Variants in C21orf58 observed in about 807,000 individuals in gnomAD.
C21orf58 encodes chromosome 21 open reading frame 58.
A neutral mutation model predicts 35.8 loss-of-function variants in C21orf58; 34 were observed. That is an observed-to-expected ratio of 0.95 (90% confidence interval 0.72 to 1.26). The LOEUF is 1.26. Ranked by LOEUF, C21orf58 falls within the 50% of genes most tolerant of loss-of-function variation. The probability of loss-of-function intolerance (pLI) is 0.00; values close to 1 mark genes in which losing one functional copy is unlikely to be tolerated. For synonymous variants in C21orf58, 191 were observed against 175.8 expected, an observed-to-expected ratio of 1.09 and a Z score of -0.68; for missense variants, 440 against 414.3, an observed-to-expected ratio of 1.06 and a Z score of -0.54.
chr21:46,323,478 G>C lies in C21orf58; in HGVS notation c.-740C>G, dbSNP rs899197025. 20 of 152,350 alleles carry C rather than the reference G, an allele frequency of 1.3e-4. No homozygotes were observed. The highest frequency in any genetic ancestry group is 4.8e-4 in the African/African-American group (20 of 41,404). 9.4% of individuals were successfully genotyped at this position (152,350 alleles called of 1,614,324 possible). A position where few individuals can be genotyped will look rare whatever the true frequency, so the allele number is the denominator to read the frequency against. ...GGGAAAGGCGGGAGCTCCAAGCGGC[G>C]GGGCCTGCAGGTCCAGGCGGTTCGC... is the stretch of plus-strand genomic sequence containing the variant. On this transcript the variant is annotated 5_prime_UTR_variant, in exon 1 of 8. Coordinates refer to ENST00000291691, the MANE Select transcript of C21orf58 (RefSeq NM_058180.5).
chr21:46,311,686 T>C (rs1378947734), intron 5 of C21orf58, 119 bp from the exon 6 acceptor site: 10 of 473,332 alleles, frequency 2.1e-5, no homozygotes, highest in South Asian at 3.7e-5. Flanking sequence ...CATCCACCCA[T>C]CCATCCAACC....
At chr21:46,321,180 T>A (rs55677713) in intron 1 of C21orf58, among the ~76,000 whole-genome samples, 9,860 of 151,930 alleles carry the variant, frequency 0.065, 408 homozygotes, top group Middle Eastern at 0.095. Flanking sequence ...ATATATATAT[T>A]TTTTTTGAGA....
chr21:46,312,565 C>T (rs891734856), intron 5 of C21orf58, among the ~76,000 whole-genome samples: 1 of 152,154 alleles, frequency 6.6e-6, no homozygotes, highest in Non-Finnish European at 1.5e-5. Flanking sequence ...GAGAGCCACC[C>T]ATCCAACCAA....
In C21orf58 at chr21:46,322,620, C is replaced by T. The variant is rs370016326; in HGVS notation, c.100+19G>A. The T allele has an allele frequency of 1.3e-6, 2 of 1,510,650 alleles. No homozygotes were observed. The highest frequency in any genetic ancestry group is 2.6e-5 in the South Asian group (2 of 76,972). 93.6% of individuals were successfully genotyped at this position (1,510,650 alleles called of 1,614,324 possible). A position where few individuals can be genotyped will look rare whatever the true frequency, so the allele number is the denominator to read the frequency against. ...ATTCCGAGTCTGGGAACCAGGAGAC[C>T]GCTGGACACCCCGCTCACCACACAG... On this transcript the variant is annotated intron_variant, in intron 1 of 7. Coordinates refer to ENST00000291691, the MANE Select transcript of C21orf58 (RefSeq NM_058180.5).
At position 46,301,827 on chromosome 21, in the gene C21orf58, A is replaced by G. The variant is rs2082117604; in HGVS notation, c.*172T>C. 3 of 1,262,678 alleles carry G rather than the reference A, an allele frequency of 2.4e-6. No homozygotes were observed. The allele number at this position is 1,262,678 out of a possible 1,614,324, so 78.2% of individuals were successfully genotyped here. A position where few individuals can be genotyped will look rare whatever the true frequency, so the allele number is the denominator to read the frequency against. ...CCCCCTGGAATGGCCCCGTGACCAG[A>G]AAGCGAGCCTGCCCAGCTTCCCCAG... On this transcript the variant is annotated 3_prime_UTR_variant, in exon 8 of 8. Transcript: ENST00000291691.
chr21:46,318,449 C>T (rs1256412167), intron 1 of C21orf58: 2 of 1,413,908 alleles, frequency 1.4e-6, no homozygotes, highest in Non-Finnish European at 1.8e-6. Flanking sequence ...GCAGCTGAGG[C>T]AGAGGGGCAG....
chr21:46,317,894 C>A, intron 2 of C21orf58, 118 bp downstream of exon 2: 1 of 1,146,692 alleles, frequency 8.7e-7, no homozygotes, highest in South Asian at 1.5e-5. Context: ...GGGCTGCCAG[C>A]CCCAGGCCTA....
chr21:46,307,461 C>T (rs1489735326), intron 6 of C21orf58, among the ~76,000 whole-genome samples: 1 of 152,126 alleles, frequency 6.6e-6, no homozygotes, highest in Non-Finnish European at 1.5e-5. Flanking sequence ...CACACACACC[C>T]CTACCTCAGT....
In C21orf58 at chr21:46,301,789, G is replaced by A. The variant is rs767795510; in HGVS notation, c.*210C>T. On this transcript the variant is annotated 3_prime_UTR_variant, in exon 8 of 8. Transcript: ENST00000291691. ...ACAGGCCCCTCACTGCAGGGGACCC[G>A]GAGCAAGGGATGCCCCCTGGAATGG... The A allele has an allele frequency of 9.1e-4, 1,129 of 1,239,300 alleles. No individual in the cohort carries two copies. The highest frequency in any genetic ancestry group is 1.1e-3 in the Non-Finnish European group (1,048 of 992,304). The allele number at this position is 1,239,300 out of a possible 1,614,324, so 76.8% of individuals were successfully genotyped here.
At chr21:46,322,045 T>C (rs1279988858) in intron 1 of C21orf58, among the ~76,000 whole-genome samples, 2 of 151,976 alleles carry the variant, frequency 1.3e-5, no homozygotes, top group East Asian at 3.9e-4. Flanking sequence ...CTCCAGCACT[T>C]TGAGAGGCCA....
intron 1 of C21orf58, chr21:46,318,899 G>A: frequency 1.0e-6 from 1 of 976,016 alleles, no homozygotes; most frequent in African/African-American, 1.7e-5. Context: ...ACGTTGATGA[G>A]TTAGTCAATC....
At position 46,314,725 on chromosome 21, in the gene C21orf58, G is replaced by A; in HGVS notation, c.600C>T (p.Ile200=). ...GACTTCGCCCTCTTACCGTAGGCAG[G>A]ATGATCCTTGGCGGGTCTGGGGCCA... ...SPLAPDPPRI[I]LPTVPQPPAT... is the part of the protein sequence containing the mutation. Residue 200 remains isoleucine, a synonymous_variant, in exon 5 of 8, where the codon ATC becomes ATT. Transcript: ENST00000291691. 6.8e-7 allele frequency: 1 copy of A among 1,469,770 alleles called. No homozygotes were observed. The highest frequency in any genetic ancestry group is 9.1e-7 in the Non-Finnish European group (1 of 1,103,366). The allele number at this position is 1,469,770 out of a possible 1,614,324, so 91.0% of individuals were successfully genotyped here.
At position 46,305,298 on chromosome 21, in the gene C21orf58, G is replaced by GT. The variant is rs112537183; in HGVS notation, c.722-2723dup. On this transcript the variant is annotated intron_variant, in intron 6 of 7. Transcript: ENST00000291691. Reference sequence around the variant, plus strand: ...GTGGTCACAATGGTAAAGTTACATGGTTTTTTTTTTTTTTAATCACAAATT... The same window carrying GT: ...GTGGTCACAATGGTAAAGTTACATGGTTTTTTTTTTTTTTTAATCACAAATT... Among the ~76,000 whole-genome samples the GT allele has an allele frequency of 2.5e-3, 314 of 124,360 alleles. 1 individual carries two copies. Among genetic ancestry groups the GT allele is most frequent in the South Asian group, 0.024 (86 of 3,612 alleles). 81.6% of individuals were successfully genotyped at this position (124,360 alleles called of 152,430 possible).
intron 1 of C21orf58, 187 bp downstream of exon 1, chr21:46,322,452 C>T: frequency 1.0e-6 from 1 of 985,144 alleles, no homozygotes; most frequent in Non-Finnish European, 1.2e-6. Context: ...TAACACGTAA[C>T]AGTTGTGAGA....
chr21:46,316,107 C>T (rs1013017727), intron 3 of C21orf58, among the ~76,000 whole-genome samples: 10 of 152,008 alleles, frequency 6.6e-5, no homozygotes, highest in Non-Finnish European at 1.3e-4. Flanking sequence ...TGTGATCAGG[C>T]CACTGCACTC....
chr21:46,302,726 G>A (rs1174636146), intron 6 of C21orf58, 150 bp from the exon 7 acceptor site: 1 of 636,574 alleles, frequency 1.6e-6, no homozygotes, highest in Admixed American at 2.7e-5. Flanking sequence ...ACACGGTGCG[G>A]GTCCCCGGGG....
At position 46,314,825 on chromosome 21, in the gene C21orf58, C is replaced by A; in HGVS notation, c.500G>T (p.Arg167Ile). ...GGGCAGGGCTGACCCGAGGGCTCCT[C>A]TGCTTGGCCCGCTCCAGGCCTGGGC... ...SRAQAWSGPSRGALGSALPPE... is the reference protein window; with the variant it reads ...SRAQAWSGPSIGALGSALPPE... The change falls in exon 5 of 8, where the codon AGA becomes ATA. Residue 167 changes from arginine to isoleucine, a missense_variant. Transcript: ENST00000291691. 6.5e-7 allele frequency: 1 copy of A among 1,549,488 alleles called. No individual in the cohort carries two copies. Among genetic ancestry groups the A allele is most frequent in the Non-Finnish European group, 8.7e-7 (1 of 1,146,228 alleles).
chr21:46,301,899 G>T lies in C21orf58; in HGVS notation c.*100C>A. The T allele has an allele frequency of 7.5e-7, 1 of 1,339,380 alleles. No individual in the cohort carries two copies. The highest frequency in any genetic ancestry group is 9.5e-7 in the Non-Finnish European group (1 of 1,048,288). 83.0% of individuals were successfully genotyped at this position (1,339,380 alleles called of 1,614,324 possible). A position where few individuals can be genotyped will look rare whatever the true frequency, so the allele number is the denominator to read the frequency against. On this transcript the variant is annotated 3_prime_UTR_variant, in exon 8 of 8. Transcript: ENST00000291691. ...CGCGTAGCCACTCCGGGTGGTGGCA[G>T]GGTCTCTCCCTGCTCCCTTCCATAG...
chr21:46,311,466 A>C lies in C21orf58; in HGVS notation c.711T>G (p.Ser237Arg). The part of the protein sequence containing the change: ...PQAFPTQRSG[S>R]IKEDMVELLL... ...ATATGGAACACTTACCTTCCTTAATACTTCCTGACCGTTGAGTAGGGAAGG... is the reference window on the plus strand; with the variant it reads ...ATATGGAACACTTACCTTCCTTAATCCTTCCTGACCGTTGAGTAGGGAAGG... The change falls in exon 6 of 8, where the codon AGT becomes AGG. Residue 237 changes from serine to arginine, a missense_variant. Coordinates refer to ENST00000291691, the MANE Select transcript of C21orf58 (RefSeq NM_058180.5). The C allele has an allele frequency of 6.3e-7, 1 of 1,587,828 alleles. No homozygotes were observed. Among genetic ancestry groups the C allele is most frequent in the Non-Finnish European group, 8.6e-7 (1 of 1,160,398 alleles).
Sources: allele counts gnomAD v4.1 joint callset (sites outside exome capture counted in the v4.1 genomes callset), GRCh38; gene constraint gnomAD v4.1.1; transcripts MANE v1.5; gene names NCBI Gene and HGNC (gene_info 2026-07-23, HGNC 2026-07-21).